Variants in ZMPSTE24 observed in about 807,000 individuals in gnomAD.
The protein encoded by ZMPSTE24 is CAAX prenyl protease 1 homolog.
A neutral mutation model predicts 56.7 loss-of-function variants in ZMPSTE24; 48 were observed. The ratio of observed to expected loss-of-function variants is 0.85; its 90% CI spans 0.67 to 1.08. The LOEUF (loss-of-function observed/expected upper bound fraction) is 1.08. ZMPSTE24 is among the 50% of genes least tolerant of loss of function. ZMPSTE24 has a pLI of 0.00. For synonymous variants in ZMPSTE24, 172 were observed against 195.2 expected, an observed-to-expected ratio of 0.88 and a Z score of 0.99; for missense variants, 503 against 548.7, an observed-to-expected ratio of 0.92 and a Z score of 0.83.
At chr1:40,266,793 A>G (rs1643553812) in intron 2 of ZMPSTE24, among the ~76,000 whole-genome samples, 1 of 117,540 alleles carries the variant, frequency 8.5e-6, no homozygotes, top group Non-Finnish European at 1.7e-5. Context: ...TTTTTGAGAC[A>G]GGGTCTCATT....
At chr1:40,273,732 T>C (rs559454836) in intron 6 of ZMPSTE24, among the ~76,000 whole-genome samples, 65 of 149,944 alleles carry the variant, frequency 4.3e-4, no homozygotes, top group Non-Finnish European at 8.0e-4. Context: ...AAACTAGAAA[T>C]TTAATCATTA....
At chr1:40,288,003 C>T (rs574128475) in intron 8 of ZMPSTE24, among the ~76,000 whole-genome samples, 1 of 151,876 alleles carries the variant, frequency 6.6e-6, no homozygotes, top group Admixed American at 6.6e-5. Flanking sequence ...ATAGCGAGAC[C>T]CCCTTCTCTC....
At chr1:40,277,387 G>A (rs548602346) in intron 6 of ZMPSTE24, among the ~76,000 whole-genome samples, 5 of 152,082 alleles carry the variant, frequency 3.3e-5, no homozygotes, top group African/African-American at 9.6e-5. Context: ...CACCCTGCCA[G>A]GGATTCTTAA....
At chr1:40,274,289 A>G (rs1643647763) in intron 6 of ZMPSTE24, among the ~76,000 whole-genome samples, 1 of 152,252 alleles carries the variant, frequency 6.6e-6, no homozygotes, top group African/African-American at 2.4e-5. Flanking sequence ...ACAATTCTCA[A>G]AAATATTTTG....
At position 40,271,988 on chromosome 1, in the gene ZMPSTE24, T is replaced by C. The variant is rs535326564; in HGVS notation, c.722T>C (p.Met241Thr). 3.1e-6 allele frequency: 5 copies of C among 1,613,294 alleles called. No homozygotes were observed. In the Admixed American group the frequency reaches 5.0e-5, roughly 16 times the overall value. ...EGKLKEEIEV[M>T]AKSIDFPLTK... ...AAGCTTAAAGAAGAAATTGAAGTAA[T>C]GGCAAAGAGTATTGACTTTCCTTTG... Residue 241 changes from methionine to threonine, a missense_variant, in exon 6 of 10, where the codon ATG (methionine) becomes ACG (threonine). Coordinates refer to ENST00000372759, the MANE Select transcript of ZMPSTE24 (RefSeq NM_005857.5).
chr1:40,268,358 C>T, intron 3 of ZMPSTE24, 61 bp from the exon 4 acceptor site: 1 of 1,091,562 alleles, frequency 9.2e-7, no homozygotes. Flanking sequence ...TCAGCAAATA[C>T]TTGTTGATTT....
At chr1:40,288,030 T>C (rs1269066759) in intron 8 of ZMPSTE24, among the ~76,000 whole-genome samples, 1 of 151,894 alleles carries the variant, frequency 6.6e-6, no homozygotes, top group African/African-American at 2.4e-5. Context: ...GTTAAAAAAT[T>C]AGCTGGGCTT....
chr1:40,277,108 C>T (rs952613205), intron 6 of ZMPSTE24, among the ~76,000 whole-genome samples: 5 of 134,490 alleles, frequency 3.7e-5, no homozygotes, highest in African/African-American at 5.9e-5. Flanking sequence ...TTTTTTGAGA[C>T]GGAATCTTGC....
intron 2 of ZMPSTE24, among the ~76,000 whole-genome samples, chr1:40,264,287 T>C (rs972816923): frequency 6.6e-6 from 1 of 152,064 alleles, no homozygotes; most frequent in African/African-American, 2.4e-5. Context: ...TGAGCTGAGA[T>C]TGCAACACTG....
At chr1:40,270,664 C>G (rs148524145) in intron 5 of ZMPSTE24, among the ~76,000 whole-genome samples, 1,927 of 152,214 alleles carry the variant, frequency 0.013, 37 homozygotes, top group African/African-American at 0.044. Context: ...CTCCTGTCTT[C>G]CCTTTTCTCC....
intron 8 of ZMPSTE24, among the ~76,000 whole-genome samples, chr1:40,288,937 A>G (rs1318912149): frequency 6.6e-6 from 1 of 151,890 alleles, no homozygotes; most frequent in Non-Finnish European, 1.5e-5. Flanking sequence ...CTTAAAGTTC[A>G]CCTCACCGAG....
chr1:40,287,235 T>G (rs372870290), intron 8 of ZMPSTE24, among the ~76,000 whole-genome samples: 1 of 151,410 alleles, frequency 6.6e-6, no homozygotes, highest in African/African-American at 2.4e-5. Context: ...CCCGGCTAAT[T>G]TTTTTGTATT....
Position 40,290,450 on chromosome 1 carries a change from ATTTTTTTT to A in ZMPSTE24, c.1060-383_1060-376del, listed in dbSNP as rs996301433. Reference sequence around the variant, plus strand: ...TACCTTTCTTAAAATCACACTATGAATTTTTTTTTTTTTTTTTTTTTTTTTTTTGAGAT... The same window carrying A: ...TACCTTTCTTAAAATCACACTATGAATTTTTTTTTTTTTTTTTTTTGAGAT... On this transcript the variant is annotated intron_variant, in intron 8 of 9. Transcript: ENST00000372759. Among the ~76,000 whole-genome samples the A allele has an allele frequency of 4.1e-3, 337 of 82,572 alleles. 3 individuals carry two copies. Among genetic ancestry groups the A allele is most frequent in the African/African-American group, 0.016 (271 of 17,198 alleles). The allele number at this position is 82,572 out of a possible 152,430, so 54.2% of individuals were successfully genotyped here. A position where few individuals can be genotyped will look rare whatever the true frequency, so the allele number is the denominator to read the frequency against.
At chr1:40,276,881 C>G (rs1388506489) in intron 6 of ZMPSTE24, among the ~76,000 whole-genome samples, 1 of 152,132 alleles carries the variant, frequency 6.6e-6, no homozygotes, top group Non-Finnish European at 1.5e-5. Flanking sequence ...TGTATCTAAA[C>G]ATAGAAAAGA....
Position 40,292,663 on chromosome 1 carries a change from A to C in ZMPSTE24, c.1422A>C (p.Gln474His), listed in dbSNP as rs753737462. The C allele has an allele frequency of 1.3e-5, 21 of 1,613,108 alleles. No homozygotes were observed. Among genetic ancestry groups the C allele is most frequent in the Non-Finnish European group, 1.8e-5 (21 of 1,179,148 alleles). The change falls in exon 10 of 10, where the codon CAA (glutamine) becomes CAC (histidine). Residue 474 changes from glutamine (Q) to histidine (H), a missense_variant. Coordinates refer to ENST00000372759, the MANE Select transcript of ZMPSTE24 (RefSeq NM_005857.5). ...ERLQALKTMKQH is the reference protein window; with the variant it reads ...ERLQALKTMKHH Reference sequence around the variant, plus strand: ...TTCAAGCTTTGAAAACTATGAAGCAACACTGAGATGTCCAGGATCTGTGAC... The same window carrying C: ...TTCAAGCTTTGAAAACTATGAAGCACCACTGAGATGTCCAGGATCTGTGAC...
In ZMPSTE24 at chr1:40,281,819, A is replaced by G. The variant is rs762521757; in HGVS notation, c.954+292A>G. On this transcript the variant is annotated intron_variant, in intron 7 of 9. Transcript: ENST00000372759. The stretch of plus-strand genomic sequence containing the variant: ...CAGGAACTTGTGTGTATATATATAT[A>G]TGTGTGTGTATATATATATATAATT... 2.4e-4 allele frequency among the ~76,000 whole-genome samples: 36 copies of G among 151,934 alleles called. 1 individual carries two copies. The highest frequency in any genetic ancestry group is 2.1e-3 in the East Asian group (11 of 5,188).
In ZMPSTE24 at chr1:40,285,326, C is replaced by T. The variant is rs910250261; in HGVS notation, c.955-599C>T. On this transcript the variant is annotated intron_variant, in intron 7 of 9. Coordinates refer to ENST00000372759, the MANE Select transcript of ZMPSTE24 (RefSeq NM_005857.5). ...TTCACCATGTTGGTCAGTCTGGTCT[C>T]GGTCTCCTGACCTCGTGATCCACCC... Among the ~76,000 whole-genome samples, 13 of 152,106 alleles carry T rather than the reference C, an allele frequency of 8.5e-5. No homozygotes were observed. The East Asian group carries it at 2.3e-3, about 27-fold the overall frequency.
At chr1:40,265,689 C>CT (rs1246623422) in intron 2 of ZMPSTE24, among the ~76,000 whole-genome samples, 3 of 152,160 alleles carry the variant, frequency 2.0e-5, no homozygotes, top group African/African-American at 7.2e-5. Context: ...GAGTGAGACT[C>CT]TGTCTCTTAA....
Position 40,273,516 on chromosome 1 carries a change from T to TCAAA in ZMPSTE24, c.769+1481_769+1482insCAAA, listed in dbSNP as rs1208318399. On this transcript the variant is annotated intron_variant, in intron 6 of 9. Transcript: ENST00000372759. ...TGGGCAACAAGAGCCAAATTCTGTC[T>TCAAA]AAAAAAAAAAAAAAAAAAAAAATAT... Among the ~76,000 whole-genome samples, 11 of 10,588 alleles carry TCAAA rather than the reference T, an allele frequency of 1.0e-3. 3 individuals are homozygous for TCAAA. Among genetic ancestry groups the TCAAA allele is most frequent in the African/African-American group, 3.4e-3 (6 of 1,772 alleles). 6.9% of individuals were successfully genotyped at this position (10,588 alleles called of 152,430 possible). A position where few individuals can be genotyped will look rare whatever the true frequency, so the allele number is the denominator to read the frequency against.
Sources: gnomAD v4.1 joint callset for allele counts (sites outside exome capture counted in the v4.1 genomes callset) on GRCh38, gnomAD v4.1.1 for gene constraint, MANE v1.5 for transcripts, NCBI Gene and HGNC (gene_info 2026-07-23, HGNC 2026-07-21) for gene names.